APIP: variants seen among roughly 807,000 people sequenced by gnomAD.
The protein encoded by APIP is methylthioribulose-1-phosphate dehydratase.
A neutral mutation model predicts 32.0 loss-of-function variants in APIP; 32 were observed. The observed-to-expected ratio is 1.00, with a 90% CI of 0.76 to 1.34. The LOEUF (loss-of-function observed/expected upper bound fraction) is 1.34. Ranked by LOEUF, APIP falls within the 40% of genes most tolerant of loss-of-function variation. The pLI is 0.00. For synonymous variants in APIP, 92 were observed against 94.8 expected (o/e 0.97, Z 0.17); for missense variants, 247 against 298.6 (o/e 0.83, Z 1.27).
intron 1 of APIP, among the ~76,000 whole-genome samples, chr11:34,912,077 A>G (rs1473306872): frequency 6.6e-6 from 1 of 152,190 alleles, no homozygotes; most frequent in Non-Finnish European, 1.5e-5. Flanking sequence ...AGAAAAAATC[A>G]GTTCAAGGGC....
At position 34,888,309 on chromosome 11, in the gene APIP, A is replaced by C. The variant is rs1235471721; in HGVS notation, c.445T>G (p.Ser149Ala). 1.0e-5 allele frequency: 16 copies of C among 1,597,470 alleles called. No homozygotes were observed. The highest frequency in any genetic ancestry group is 1.4e-5 in the Non-Finnish European group (16 of 1,174,866). The change falls in exon 5 of 7, where the codon TCC becomes GCC. Residue 149 changes from serine (S) to alanine (A), a missense_variant. Ser to Ala is a moderately conservative substitution (Grantham distance 99). Transcript: ENST00000395787. Reference sequence around the variant, plus strand: ...AAAAAATACCTATAATACCCTCCGGAAGTACATTTCTTTATTCCTTTTATC... The same window carrying C: ...AAAAAATACCTATAATACCCTCCGGCAGTACATTTCTTTATTCCTTTTATC... Reference protein sequence around the residue: ...EMIKGIKKCTSGGYYRYDDML... With the variant: ...EMIKGIKKCTAGGYYRYDDML...
intron 1 of APIP, among the ~76,000 whole-genome samples, chr11:34,913,673 G>C (rs1024067271): frequency 6.6e-6 from 1 of 152,198 alleles, no homozygotes; most frequent in Non-Finnish European, 1.5e-5. Context: ...TCCACAGCCT[G>C]GAAGGTGACC....
chr11:34,886,357 T>C (rs994491265), intron 5 of APIP, among the ~76,000 whole-genome samples: 3 of 151,674 alleles, frequency 2.0e-5, no homozygotes, highest in East Asian at 1.9e-4. Context: ...AAAAAGCTTA[T>C]AGAATAAAGA....
intron 1 of APIP, among the ~76,000 whole-genome samples, chr11:34,911,113 T>C (rs1041132578): frequency 6.6e-6 from 1 of 152,054 alleles, no homozygotes; most frequent in Admixed American, 6.6e-5. Context: ...CTAATTCATA[T>C]AGTTGAATAT....
intron 1 of APIP, among the ~76,000 whole-genome samples, chr11:34,904,855 T>C (rs1235627089): frequency 6.6e-6 from 1 of 152,208 alleles, no homozygotes; most frequent in African/African-American, 2.4e-5. Flanking sequence ...GAGGAATGCC[T>C]TGAATATCAA....
chr11:34,908,595 C>T (rs1853493034), intron 1 of APIP, among the ~76,000 whole-genome samples: 2 of 152,232 alleles, frequency 1.3e-5, no homozygotes, highest in African/African-American at 4.8e-5. Flanking sequence ...CTGTTTTTAG[C>T]TTGGACCCCA....
rs1424222411 is a variant in APIP, at chr11:34,882,779, A to G, written c.667T>C (p.Ser223Pro). ...GGATCAAGTCCTACTTTCTTCATTG[A>G]TACGGCAATATCAAATAAATAGTCA... ...CYDYLFDIAV[S>P]MKKVGLDPSQ... Residue 223 changes from serine (S) to proline (P), a missense_variant, in exon 7 of 7, where the codon TCA becomes CCA. Transcript: ENST00000395787. The G allele has an allele frequency of 6.2e-7, 1 of 1,610,172 alleles. No individual in the cohort carries two copies. Among genetic ancestry groups the G allele is most frequent in the African/African-American group, 1.3e-5 (1 of 74,772 alleles).
chr11:34,903,516 T>C (rs1037413700), intron 1 of APIP, among the ~76,000 whole-genome samples: 2 of 152,226 alleles, frequency 1.3e-5, no homozygotes, highest in Admixed American at 6.5e-5. Context: ...GGCATTTCCT[T>C]ACCACCAATG....
intron 2 of APIP, among the ~76,000 whole-genome samples, chr11:34,892,910 C>A (rs931057971): frequency 3.9e-5 from 6 of 151,972 alleles, no homozygotes; most frequent in Non-Finnish European, 5.9e-5. Context: ...CTTATTAAGT[C>A]ATTTAAATAT....
chr11:34,888,133 G>A (rs1223595462), intron 5 of APIP, among the ~76,000 whole-genome samples, 160 bp downstream of exon 5: 4 of 151,976 alleles, frequency 2.6e-5, no homozygotes, highest in Admixed American at 6.6e-5. Flanking sequence ...CATCCCATTC[G>A]TGTCATGAGA....
At chr11:34,890,227 T>C (rs1853162713) in intron 3 of APIP, among the ~76,000 whole-genome samples, 2 of 152,160 alleles carry the variant, frequency 1.3e-5, no homozygotes, top group South Asian at 2.1e-4. Flanking sequence ...CGTAGTGTTA[T>C]AAAGCTGCAA....
rs547385881 is a variant in APIP, at chr11:34,898,161, G to A, written c.58-3051C>T. Among the ~76,000 whole-genome samples the A allele has an allele frequency of 3.3e-5, 5 of 152,240 alleles. No homozygotes were observed. The East Asian group carries it at 9.6e-4, about 29-fold the overall frequency. On this transcript the variant is annotated intron_variant, in intron 1 of 6. Coordinates refer to ENST00000395787, the MANE Select transcript of APIP (RefSeq NM_015957.4). ...ATCCGAGGTACAACATTCATCGGAT[G>A]GTGAGTATAGGAGCAAGCTTAAAAT...
chr11:34,889,155 C>T (rs894868363), intron 3 of APIP, among the ~76,000 whole-genome samples: 2 of 151,490 alleles, frequency 1.3e-5, no homozygotes, highest in Non-Finnish European at 2.9e-5. Context: ...ATACAAATCC[C>T]AAAAATTAAA....
intron 1 of APIP, among the ~76,000 whole-genome samples, chr11:34,915,588 G>A (rs1202333758): frequency 6.6e-6 from 1 of 152,166 alleles, no homozygotes; most frequent in Non-Finnish European, 1.5e-5. Context: ...CTATCTCTGA[G>A]CGTGTAGAAG....
At chr11:34,913,531 G>T (rs1242055329) in intron 1 of APIP, among the ~76,000 whole-genome samples, 1 of 152,162 alleles carries the variant, frequency 6.6e-6, no homozygotes, top group African/African-American at 2.4e-5. Context: ...CCTCCCGGTG[G>T]GTTCATGGTC....
chr11:34,894,820 T>C (rs17432226), intron 2 of APIP, among the ~76,000 whole-genome samples, 190 bp downstream of exon 2: 33,819 of 152,210 alleles, frequency 0.22, 4,927 homozygotes, highest in Non-Finnish European at 0.34. Flanking sequence ...TTTAGCTATT[T>C]GACATATCTG....
At chr11:34,916,001 G>C in intron 1 of APIP, 3 of 601,324 alleles carry the variant, frequency 5.0e-6, no homozygotes, top group Non-Finnish European at 8.6e-6. Flanking sequence ...TTGGCGCCCA[G>C]CTCCCGCCAT....
chr11:34,887,112 T>C (rs1468725995), intron 5 of APIP, among the ~76,000 whole-genome samples: 1 of 152,206 alleles, frequency 6.6e-6, no homozygotes, highest in Admixed American at 6.5e-5. Flanking sequence ...TCCTGAGCTG[T>C]GTTAATGACT....
At chr11:34,901,228 T>C (rs746960755) in intron 1 of APIP, among the ~76,000 whole-genome samples, 6 of 152,086 alleles carry the variant, frequency 3.9e-5, no homozygotes, top group Non-Finnish European at 8.8e-5. Flanking sequence ...CTGTTATCGA[T>C]GTGGCAAATC....
Sources: gnomAD v4.1 joint callset for allele counts (sites outside exome capture counted in the v4.1 genomes callset) on GRCh38, gnomAD v4.1.1 for gene constraint, MANE v1.5 for transcripts, NCBI Gene and HGNC (gene_info 2026-07-23, HGNC 2026-07-21) for gene names.